BTRC: variants seen among roughly 807,000 people sequenced by gnomAD.
BTRC encodes the protein F-box/WD repeat-containing protein 1A.
In BTRC, 42 loss-of-function variants were observed where a neutral mutation model predicts 85.5. The ratio of observed to expected loss-of-function variants is 0.49; its 90% CI spans 0.38 to 0.64. The LOEUF is 0.64. BTRC is among the 30% of genes least tolerant of loss of function. The pLI is 0.00. For synonymous variants in BTRC, 255 were observed against 263.3 expected (o/e 0.97, Z 0.30); for missense variants, 594 against 743.5 (o/e 0.80, Z 2.34).
intron 13 of BTRC, among the ~76,000 whole-genome samples, chr10:101,544,793 T>A (rs2062531637): frequency 6.6e-6 from 1 of 152,170 alleles, no homozygotes; most frequent in African/African-American, 2.4e-5. Flanking sequence ...GCATGGTGTC[T>A]CACACCTGTA....
intron 2 of BTRC, among the ~76,000 whole-genome samples, chr10:101,431,183 TCTC>T (rs1944395194): frequency 6.6e-6 from 1 of 150,882 alleles, no homozygotes; most frequent in South Asian, 2.1e-4. Context: ...TTCAAGCAAT[TCTC>T]CTGCCTCAGC....
At chr10:101,406,947 G>T (rs1044298903) in intron 1 of BTRC, among the ~76,000 whole-genome samples, 7 of 150,816 alleles carry the variant, frequency 4.6e-5, no homozygotes, top group African/African-American at 1.5e-4. Context: ...CATCTGTCCT[G>T]ATCATCTGTC....
intron 4 of BTRC, among the ~76,000 whole-genome samples, chr10:101,495,010 G>T (rs1278101534): frequency 5.3e-5 from 8 of 152,170 alleles, no homozygotes; most frequent in African/African-American, 1.9e-4. Flanking sequence ...CATCCAGGGG[G>T]TTATTTAATG....
intron 4 of BTRC, among the ~76,000 whole-genome samples, chr10:101,514,833 A>T (rs1253643726): frequency 6.6e-6 from 1 of 152,128 alleles, no homozygotes; most frequent in African/African-American, 2.4e-5. Flanking sequence ...CTTTCCATTG[A>T]TCTACACTTG....
chr10:101,356,215 T>C (rs1393351615), intron 1 of BTRC, among the ~76,000 whole-genome samples: 2 of 152,164 alleles, frequency 1.3e-5, no homozygotes, highest in Admixed American at 6.6e-5. Context: ...TTGGCCAGGA[T>C]GGTCTCATCT....
chr10:101,432,146 T>G, intron 2 of BTRC, among the ~76,000 whole-genome samples: 1 of 151,956 alleles, frequency 6.6e-6, no homozygotes, highest in Admixed American at 6.6e-5. Context: ...TTTTTTTTTT[T>G]TGAGACAGTC....
chr10:101,522,014 C>CTTTTTTTTTTTTTTT (rs1194237945), intron 5 of BTRC, 144 bp downstream of exon 5: 1 of 64,446 alleles, frequency 1.6e-5, no homozygotes, highest in African/African-American at 1.5e-4. Flanking sequence ...TGATATAAAG[C>CTTTTTTTTTTTTTTT]TTTTTTTTTT....
intron 3 of BTRC, among the ~76,000 whole-genome samples, chr10:101,468,133 G>T (rs1945429682): frequency 6.6e-6 from 1 of 152,116 alleles, no homozygotes; most frequent in Admixed American, 6.6e-5. Flanking sequence ...CTTTGAGGAA[G>T]GAAGACCGTA....
intron 3 of BTRC, among the ~76,000 whole-genome samples, chr10:101,467,721 TATTAATAAAAAAAATCAC>T (rs1945418356): frequency 6.6e-6 from 1 of 152,140 alleles, no homozygotes; most frequent in Non-Finnish European, 1.5e-5. Flanking sequence ...CTGAGATGTT[TATTAATAAAAAAAATCAC>T]AATGCATTCT....
intron 10 of BTRC, 28 bp from the exon 11 acceptor site, chr10:101,535,326 A>C (rs1475199641): frequency 1.9e-6 from 3 of 1,559,574 alleles, no homozygotes; most frequent in African/African-American, 1.4e-5. Context: ...GCACCAAATC[A>C]ACTGCTCAAT....
intron 2 of BTRC, among the ~76,000 whole-genome samples, chr10:101,436,693 T>A (rs1048562528): frequency 1.3e-5 from 2 of 152,060 alleles, no homozygotes; most frequent in Admixed American, 6.5e-5. Flanking sequence ...TAGAATACTT[T>A]AGCTATCAAG....
chr10:101,488,614 A>G (rs1454343500), intron 4 of BTRC, among the ~76,000 whole-genome samples: 2 of 152,188 alleles, frequency 1.3e-5, no homozygotes, highest in African/African-American at 4.8e-5. Flanking sequence ...TTGGGAAAGT[A>G]TATGAAGCCA....
intron 2 of BTRC, among the ~76,000 whole-genome samples, chr10:101,444,977 T>A (rs1265111754): frequency 6.6e-6 from 1 of 152,214 alleles, no homozygotes; most frequent in African/African-American, 2.4e-5. Context: ...CTCTAGACAT[T>A]TGAAAGATAT....
chr10:101,407,173 T>C (rs879241164), intron 1 of BTRC, among the ~76,000 whole-genome samples: 29 of 152,096 alleles, frequency 1.9e-4, no homozygotes, highest in Admixed American at 1.0e-3. Flanking sequence ...GCCTGGGTAA[T>C]ATAGCAAGAA....
chr10:101,480,359 G>A (rs1009487140), intron 4 of BTRC, among the ~76,000 whole-genome samples: 5 of 152,160 alleles, frequency 3.3e-5, no homozygotes, highest in Admixed American at 6.5e-5. Context: ...GTCCATGTGA[G>A]CTGCTATAAC....
chr10:101,360,317 A>AGT (rs1394611998), intron 1 of BTRC, among the ~76,000 whole-genome samples: 2 of 151,138 alleles, frequency 1.3e-5, no homozygotes, highest in Non-Finnish European at 2.9e-5. Context: ...GGCCTCCCAA[A>AGT]GTGCTGGGAT....
At chr10:101,513,058 A>T (rs551749730) in intron 4 of BTRC, among the ~76,000 whole-genome samples, 1 of 152,338 alleles carries the variant, frequency 6.6e-6, no homozygotes, top group East Asian at 1.9e-4. Flanking sequence ...ATTTTTTAAT[A>T]ATTGAACTTT....
At chr10:101,482,083 C>T (rs2134232744) in intron 4 of BTRC, among the ~76,000 whole-genome samples, 1 of 152,084 alleles carries the variant, frequency 6.6e-6, no homozygotes. Context: ...GCGGTGGTGC[C>T]ATCTTGGCTT....
Position 101,461,972 on chromosome 10 carries a change from C to T in BTRC, c.157-9C>T. The T allele has an allele frequency of 6.3e-7, 1 of 1,598,358 alleles. No homozygotes were observed. Among genetic ancestry groups the T allele is most frequent in the Non-Finnish European group, 8.6e-7 (1 of 1,167,622 alleles). On this transcript the variant is annotated splice_polypyrimidine_tract_variant and intron_variant, in intron 2 of 14. Transcript: ENST00000370187. ...TGAGAACTGAATTAAAGCTTACTTT[C>T]TTTCACAGAATTCCTCAGAGAGAGA...
Sources: allele counts gnomAD v4.1 joint callset (sites outside exome capture counted in the v4.1 genomes callset), GRCh38; gene constraint gnomAD v4.1.1; transcripts MANE v1.5; gene names NCBI Gene and HGNC (gene_info 2026-07-23, HGNC 2026-07-21).